The following COL6A6 variants were observed in gnomAD, a reference collection of about 807,000 sequenced individuals.
COL6A6 encodes collagen alpha-6(VI) chain.
A neutral mutation model predicts 208.6 loss-of-function variants in COL6A6; 183 were observed. That is an observed-to-expected ratio of 0.88 (90% CI 0.78 to 0.99). The LOEUF (loss-of-function observed/expected upper bound fraction) is 0.99, where lower values mean the gene tolerates loss of function less well. Among genes scored for constraint, COL6A6 ranks in the 50% least tolerant of loss-of-function variants. COL6A6 has a pLI of 0.00. For synonymous variants in COL6A6, 973 were observed against 1,011.8 expected, an observed-to-expected ratio of 0.96 and a Z score of 0.73; for missense variants, 2,816 against 2,815.2, an observed-to-expected ratio of 1.00 and a Z score of -0.01.
intron 23 of COL6A6, among the ~76,000 whole-genome samples, chr3:130,616,811 G>A (rs751353431): frequency 1.3e-5 from 2 of 152,114 alleles, no homozygotes; most frequent in Non-Finnish European, 2.9e-5. Context: ...TCCTAACTTT[G>A]TACCTTACTA....
At chr3:130,610,356 T>C (rs1289784820) in intron 22 of COL6A6, among the ~76,000 whole-genome samples, 1 of 152,166 alleles carries the variant, frequency 6.6e-6, no homozygotes, top group Non-Finnish European at 1.5e-5. Context: ...ACAAGAGAAA[T>C]GTAGGGAAAT....
At chr3:130,604,561 AT>A (rs1251903074) in intron 20 of COL6A6, among the ~76,000 whole-genome samples, 1 of 151,950 alleles carries the variant, frequency 6.6e-6, no homozygotes, top group Non-Finnish European at 1.5e-5. Flanking sequence ...TTCTAGAGAT[AT>A]TTTCATTATT....
intron 1 of COL6A6, among the ~76,000 whole-genome samples, chr3:130,538,800 C>T (rs2062285615): frequency 1.3e-5 from 2 of 152,248 alleles, no homozygotes; most frequent in South Asian, 4.2e-4. Context: ...GCCTGTGCCT[C>T]GAATTTGTCC....
intron 33 of COL6A6, among the ~76,000 whole-genome samples, chr3:130,650,753 C>T: frequency 6.6e-6 from 1 of 151,850 alleles, no homozygotes; most frequent in East Asian, 1.9e-4. Context: ...TCTGCAAAAT[C>T]ATAGAGAAAC....
At chr3:130,535,267 C>T (rs2107723807) in intron 1 of COL6A6, among the ~76,000 whole-genome samples, 1 of 152,240 alleles carries the variant, frequency 6.6e-6, no homozygotes, top group Admixed American at 6.5e-5. Flanking sequence ...CTATATAAAA[C>T]ACAACGTTTA....
chr3:130,638,920 C>T (rs1282549598), intron 28 of COL6A6, among the ~76,000 whole-genome samples: 1 of 152,110 alleles, frequency 6.6e-6, no homozygotes, highest in African/African-American at 2.4e-5. Flanking sequence ...CATTTTTATC[C>T]ATTTTCCTGG....
rs1367355479 is a variant in COL6A6, at chr3:130,560,355, A to G, written c.-10A>G. 4 of 1,602,428 alleles carry G rather than the reference A, an allele frequency of 2.5e-6. No individual in the cohort carries two copies. Among genetic ancestry groups the G allele is most frequent in the Non-Finnish European group, 3.4e-6 (4 of 1,175,456 alleles). On this transcript the variant is annotated 5_prime_UTR_variant, in exon 2 of 37. Coordinates refer to ENST00000358511, the MANE Select transcript of COL6A6 (RefSeq NM_001102608.3). The stretch of plus-strand genomic sequence containing the variant: ...TCAGATTTGAAGTTGAAGATTTTTC[A>G]GGTCATAATATGATGTTGCTAATTT...
At chr3:130,559,585 TAATA>T (rs1404060053) in intron 1 of COL6A6, among the ~76,000 whole-genome samples, 4 of 152,202 alleles carry the variant, frequency 2.6e-5, no homozygotes, top group Admixed American at 6.5e-5. Context: ...TTTGTTCAAT[TAATA>T]AATGAGCAAA....
At chr3:130,550,599 G>T (rs1404569420) in intron 1 of COL6A6, among the ~76,000 whole-genome samples, 1 of 152,214 alleles carries the variant, frequency 6.6e-6, no homozygotes, top group Non-Finnish European at 1.5e-5. Flanking sequence ...CATGGCAGCA[G>T]CAAGAGAAAA....
chr3:130,665,425 AG>A (rs2066051122), intron 36 of COL6A6, among the ~76,000 whole-genome samples: 1 of 152,158 alleles, frequency 6.6e-6, no homozygotes, highest in Non-Finnish European at 1.5e-5. Flanking sequence ...GGTTTCTTAG[AG>A]AAAGTCCTAA....
intron 23 of COL6A6, among the ~76,000 whole-genome samples, chr3:130,617,382 A>G (rs2064564786): frequency 6.6e-6 from 1 of 152,202 alleles, no homozygotes; most frequent in South Asian, 2.1e-4. Flanking sequence ...GTTAAATGAG[A>G]TGAGCGTATT....
At position 130,621,391 on chromosome 3, in the gene COL6A6, C is replaced by T. The variant is rs533018371; in HGVS notation, c.4816-430C>T. 2.6e-5 allele frequency among the ~76,000 whole-genome samples: 4 copies of T among 152,276 alleles called. No individual in the cohort carries two copies. In the South Asian group the frequency reaches 8.3e-4, roughly 32 times the overall value. On this transcript the variant is annotated intron_variant, in intron 23 of 36. Transcript: ENST00000358511. ...AAAGTTTCTTAAGCTTTCTAATATA[C>T]ATATCATATGATTTTCCAATAAAGA...
At chr3:130,645,987 T>C (rs1237390665) in intron 32 of COL6A6, among the ~76,000 whole-genome samples, 1 of 152,068 alleles carries the variant, frequency 6.6e-6, no homozygotes, top group East Asian at 1.9e-4. Context: ...GGATACAGAG[T>C]TGAATAATGA....
At chr3:130,664,980 T>C in intron 35 of COL6A6, 23 bp from the exon 36 acceptor site, 2 of 1,481,660 alleles carry the variant, frequency 1.3e-6, no homozygotes, top group African/African-American at 1.4e-5. Flanking sequence ...ATACAAGACT[T>C]ATCACAGACT....
intron 36 of COL6A6, among the ~76,000 whole-genome samples, chr3:130,673,220 A>AAAAAAAAACC (rs1553724909): frequency 7.3e-4 from 95 of 129,638 alleles, no homozygotes; most frequent in African/African-American, 2.4e-3. Context: ...AAAAAAACAA[A>AAAAAAAAACC]AAAAAAAAAC....
chr3:130,667,300 G>A (rs1439629952), intron 36 of COL6A6, among the ~76,000 whole-genome samples: 1 of 152,202 alleles, frequency 6.6e-6, no homozygotes, highest in Non-Finnish European at 1.5e-5. Flanking sequence ...GCAGTGGCAT[G>A]ATCTCAGCTC....
At chr3:130,555,702 T>A (rs1004636270) in intron 1 of COL6A6, among the ~76,000 whole-genome samples, 11 of 152,208 alleles carry the variant, frequency 7.2e-5, no homozygotes, top group African/African-American at 2.4e-4. Flanking sequence ...CTACTCCTAA[T>A]TTGCTAAGTT....
intron 33 of COL6A6, among the ~76,000 whole-genome samples, chr3:130,655,792 C>T (rs1241501914): frequency 6.6e-6 from 1 of 152,200 alleles, no homozygotes; most frequent in Admixed American, 6.5e-5. Flanking sequence ...GCCAGTGGTG[C>T]CTTTGCCCAA....
chr3:130,561,425 C>T (rs2062879608), intron 2 of COL6A6, among the ~76,000 whole-genome samples: 1 of 152,078 alleles, frequency 6.6e-6, no homozygotes, highest in Non-Finnish European at 1.5e-5. Flanking sequence ...ATTTAAAAGA[C>T]AAGAAATTAT....
Sources: allele counts gnomAD v4.1 joint callset (sites outside exome capture counted in the v4.1 genomes callset), GRCh38; gene constraint gnomAD v4.1.1; transcripts MANE v1.5; gene names NCBI Gene and HGNC (gene_info 2026-07-23, HGNC 2026-07-21).